Variants in SLC25A21 observed in about 807,000 individuals in gnomAD.
The protein encoded by SLC25A21 is mitochondrial 2-oxodicarboxylate carrier.
In SLC25A21, 47 loss-of-function variants were observed where a neutral mutation model predicts 43.8. The observed-to-expected ratio is 1.07, with a 90% CI of 0.85 to 1.37. The LOEUF (loss-of-function observed/expected upper bound fraction) is 1.37, where lower values mean the gene tolerates loss of function less well. Ranked by LOEUF, SLC25A21 falls within the 40% of genes most tolerant of loss-of-function variation. SLC25A21 has a pLI of 0.00. For missense variants in SLC25A21, 352 were observed against 350.2 expected (o/e 1.00, Z -0.04); for synonymous variants, 131 against 121.3 (o/e 1.08, Z -0.52).
chr14:36,927,844 T>A (rs1892172384), intron 1 of SLC25A21, among the ~76,000 whole-genome samples: 1 of 152,268 alleles, frequency 6.6e-6, no homozygotes, highest in South Asian at 2.1e-4. Flanking sequence ...GGATTCTGGA[T>A]TCTGAAATAA....
intron 2 of SLC25A21, among the ~76,000 whole-genome samples, chr14:36,836,016 T>C (rs1889196705): frequency 6.6e-6 from 1 of 152,224 alleles, no homozygotes; most frequent in South Asian, 2.1e-4. Flanking sequence ...TCAGCTACTA[T>C]TGTCAAAACT....
intron 4 of SLC25A21, among the ~76,000 whole-genome samples, chr14:36,729,998 A>G (rs1884756468): frequency 6.6e-6 from 1 of 152,192 alleles, no homozygotes. Context: ...TTTCAGCCTT[A>G]ACTTGCATTT....
chr14:36,971,395 G>A (rs1452124381), intron 1 of SLC25A21, among the ~76,000 whole-genome samples: 1 of 152,048 alleles, frequency 6.6e-6, no homozygotes, highest in Non-Finnish European at 1.5e-5. Flanking sequence ...TCTTTTCTTT[G>A]CCAGCCATGT....
intron 1 of SLC25A21, among the ~76,000 whole-genome samples, chr14:36,999,027 C>T (rs77809404): frequency 7.6e-4 from 116 of 152,216 alleles, no homozygotes; most frequent in Non-Finnish European, 1.5e-3. Context: ...CATACTTGTT[C>T]CATAGAATGC....
chr14:37,006,560 C>G (rs1960608457), intron 1 of SLC25A21, among the ~76,000 whole-genome samples: 1 of 151,978 alleles, frequency 6.6e-6, no homozygotes, highest in South Asian at 2.1e-4. Context: ...CTTTGCTCTA[C>G]TAGCTGGGGG....
chr14:36,899,888 C>T (rs1372930037), intron 1 of SLC25A21, among the ~76,000 whole-genome samples: 1 of 152,112 alleles, frequency 6.6e-6, no homozygotes, highest in East Asian at 1.9e-4. Context: ...TTTTACCTTA[C>T]TAGTGAAAAG....
intron 1 of SLC25A21, among the ~76,000 whole-genome samples, chr14:37,124,034 G>A (rs1363575779): frequency 5.7e-4 from 85 of 148,850 alleles, no homozygotes; most frequent in African/African-American, 1.9e-3. Flanking sequence ...TTTTTGAGAC[G>A]GAGTCTCACT....
chr14:37,171,042 C>G (rs1486618350), intron 1 of SLC25A21, among the ~76,000 whole-genome samples: 1 of 148,468 alleles, frequency 6.7e-6, no homozygotes, highest in African/African-American at 2.5e-5. Context: ...GCCGAGATCG[C>G]GCCATGGCAA....
intron 2 of SLC25A21, among the ~76,000 whole-genome samples, chr14:36,831,993 T>C (rs1450525232): frequency 6.6e-6 from 1 of 152,208 alleles, no homozygotes; most frequent in Non-Finnish European, 1.5e-5. Flanking sequence ...TACATAGATA[T>C]GCTCAAGTCA....
chr14:37,134,658 A>T (rs1316235325), intron 1 of SLC25A21, among the ~76,000 whole-genome samples: 3 of 151,796 alleles, frequency 2.0e-5, no homozygotes. Context: ...TAAAAAAAAA[A>T]AAAAAGAAAG....
At chr14:36,704,574 T>G (rs886756769) in intron 7 of SLC25A21, among the ~76,000 whole-genome samples, 1 of 151,204 alleles carries the variant, frequency 6.6e-6, no homozygotes, top group Non-Finnish European at 1.5e-5. Flanking sequence ...GGAGAATCGC[T>G]TGAACCCGGG....
chr14:37,147,306 A>G (rs927080808), intron 1 of SLC25A21, among the ~76,000 whole-genome samples: 3 of 152,240 alleles, frequency 2.0e-5, no homozygotes, highest in Non-Finnish European at 4.4e-5. Context: ...CAATGACTTT[A>G]TATCTGCCCA....
intron 7 of SLC25A21, among the ~76,000 whole-genome samples, chr14:36,708,916 ATAACT>A (rs1163963870): frequency 6.6e-6 from 1 of 151,578 alleles, no homozygotes; most frequent in African/African-American, 2.4e-5. Flanking sequence ...AGAACATTTA[ATAACT>A]TAAGTGTATT....
At chr14:37,127,219 C>A (rs1280395983) in intron 1 of SLC25A21, among the ~76,000 whole-genome samples, 2 of 152,134 alleles carry the variant, frequency 1.3e-5, no homozygotes, top group Non-Finnish European at 2.9e-5. Flanking sequence ...GCATTTTTAT[C>A]CTCATTTAAC....
chr14:36,946,858 G>T (rs1432510713), intron 1 of SLC25A21, among the ~76,000 whole-genome samples: 3 of 152,064 alleles, frequency 2.0e-5, no homozygotes, highest in African/African-American at 7.2e-5. Flanking sequence ...ACCAACCTGT[G>T]CTCAGACCAT....
At chr14:37,022,570 T>C (rs1207935049) in intron 1 of SLC25A21, among the ~76,000 whole-genome samples, 3 of 152,036 alleles carry the variant, frequency 2.0e-5, no homozygotes, top group Non-Finnish European at 4.4e-5. Context: ...CATCCTAGTA[T>C]GAAGTCTCAT....
intron 3 of SLC25A21, among the ~76,000 whole-genome samples, chr14:36,750,348 C>T (rs989205272): frequency 6.6e-6 from 1 of 152,154 alleles, no homozygotes; most frequent in African/African-American, 2.4e-5. Flanking sequence ...CCATCAACTA[C>T]CAAGCTATGG....
At chr14:36,963,204 G>A (rs1959535977) in intron 1 of SLC25A21, among the ~76,000 whole-genome samples, 1 of 151,920 alleles carries the variant, frequency 6.6e-6, no homozygotes, top group Non-Finnish European at 1.5e-5. Context: ...GTATATTAAA[G>A]AGGTTAAAGA....
At chr14:36,965,791 C>T (rs1017061004) in intron 1 of SLC25A21, among the ~76,000 whole-genome samples, 2 of 152,064 alleles carry the variant, frequency 1.3e-5, no homozygotes, top group Non-Finnish European at 2.9e-5. Flanking sequence ...TAAGAGAGCC[C>T]TAATCATCTG....
Sources: gnomAD v4.1 joint callset for allele counts (sites outside exome capture counted in the v4.1 genomes callset) on GRCh38, gnomAD v4.1.1 for gene constraint, MANE v1.5 for transcripts, NCBI Gene and HGNC (gene_info 2026-07-23, HGNC 2026-07-21) for gene names.